PALLD: variants seen among roughly 807,000 people sequenced by gnomAD.
The protein encoded by PALLD is palladin, cytoskeletal associated protein, also known as palladin.
PALLD carries 61 observed loss-of-function variants against 123.5 expected under a neutral mutation model. That is an observed-to-expected ratio of 0.49 (90% confidence interval 0.40 to 0.61). PALLD has a LOEUF of 0.61. Ranked by LOEUF, PALLD falls within the 20% of genes least tolerant of loss-of-function variation. The probability of loss-of-function intolerance (pLI) is 0.00; values close to 1 mark genes in which losing one functional copy is unlikely to be tolerated. For missense variants in PALLD, 1,273 were observed against 1,377.0 expected (o/e 0.92, Z 1.20); for synonymous variants, 465 against 496.4 (o/e 0.94, Z 0.84).
chr4:168,831,106 T>C (rs1361805562), intron 10 of PALLD, among the ~76,000 whole-genome samples: 1 of 152,208 alleles, frequency 6.6e-6, no homozygotes. Flanking sequence ...TGTGACATGG[T>C]GTGCCAACCC....
chr4:168,697,299 G>A (rs775374524), intron 8 of PALLD, among the ~76,000 whole-genome samples: 1 of 152,222 alleles, frequency 6.6e-6, no homozygotes, highest in Non-Finnish European at 1.5e-5. Context: ...CTCCACCACA[G>A]CAAGAGAATT....
intron 2 of PALLD, among the ~76,000 whole-genome samples, chr4:168,639,930 T>A (rs1455613578): frequency 6.6e-6 from 1 of 152,212 alleles, no homozygotes; most frequent in Non-Finnish European, 1.5e-5. Flanking sequence ...CCAGATCTTT[T>A]TGCTTTTTCT....
chr4:168,714,296 T>G (rs1785128561), intron 10 of PALLD, among the ~76,000 whole-genome samples: 1 of 152,180 alleles, frequency 6.6e-6, no homozygotes, highest in Admixed American at 6.5e-5. Context: ...TGCAGTGTTT[T>G]CAAAGTTTTC....
At chr4:168,833,560 G>A (rs975159064) in intron 10 of PALLD, among the ~76,000 whole-genome samples, 2 of 152,092 alleles carry the variant, frequency 1.3e-5, no homozygotes, top group African/African-American at 2.4e-5. Flanking sequence ...CCCTCCGCCA[G>A]GTTAAGGAAT....
chr4:168,921,630 G>T lies in PALLD; in HGVS notation c.2947G>T (p.Val983Leu). ...AHKMLVRENG[V>L]HSLIIEPVTS... ...CAAGATGCTGGTGCGTGAGAACGGG[G>T]TGCACTCTCTGATCATAGAGCCAGT... Residue 983 changes from valine (V) to leucine (L), a missense_variant, in exon 18 of 22, where the codon GTG becomes TTG. Transcript: ENST00000505667. The T allele has an allele frequency of 6.2e-7, 1 of 1,611,160 alleles. No individual in the cohort carries two copies. The highest frequency in any genetic ancestry group is 8.5e-7 in the Non-Finnish European group (1 of 1,179,660).
At position 168,578,787 on chromosome 4, in the gene PALLD, GGATA is replaced by G. The variant is rs999344899; in HGVS notation, c.908+66385_908+66388del. ...TTGGTAGGTAATATGATAGATCAAT[GGATA>G]GATAGATAGTCCCAGTGCTTAAAAA... is the stretch of plus-strand genomic sequence containing the variant. On this transcript the variant is annotated intron_variant, in intron 2 of 21. Transcript: ENST00000505667. 1.5e-3 allele frequency among the ~76,000 whole-genome samples: 226 copies of G among 151,942 alleles called. 4 individuals are homozygous for G. Among genetic ancestry groups the G allele is most frequent in the African/African-American group, 1.9e-3 (78 of 41,464 alleles).
intron 10 of PALLD, among the ~76,000 whole-genome samples, chr4:168,802,380 A>G (rs1002556202): frequency 6.6e-6 from 1 of 152,244 alleles, no homozygotes. Flanking sequence ...CCTATACACC[A>G]TGGAATACTA....
chr4:168,690,566 T>G (rs772725093), intron 6 of PALLD, 37 bp from the exon 7 acceptor site: 20 of 1,613,738 alleles, frequency 1.2e-5, no homozygotes, highest in Middle Eastern at 3.3e-4. Context: ...TGCACCAAAG[T>G]CTGATGGGGT....
At chr4:168,823,525 G>GA (rs139617438) in intron 10 of PALLD, among the ~76,000 whole-genome samples, 9,068 of 151,942 alleles carry the variant, frequency 0.06, 365 homozygotes, top group South Asian at 0.17. Context: ...ACAAAAAATA[G>GA]AAAAAAATTA....
At chr4:168,789,605 T>C (rs1204854860) in intron 10 of PALLD, among the ~76,000 whole-genome samples, 3 of 150,366 alleles carry the variant, frequency 2.0e-5, no homozygotes, top group Non-Finnish European at 4.4e-5. Context: ...CTTGGGAGGC[T>C]GAGGCAGGAG....
At chr4:168,722,171 A>G (rs750346027) in intron 10 of PALLD, among the ~76,000 whole-genome samples, 3 of 152,058 alleles carry the variant, frequency 2.0e-5, no homozygotes, top group Non-Finnish European at 4.4e-5. Flanking sequence ...CAGCCTCCCA[A>G]GTAGCTGGGA....
At chr4:168,825,362 T>C (rs570353629) in intron 10 of PALLD, among the ~76,000 whole-genome samples, 2 of 152,356 alleles carry the variant, frequency 1.3e-5, no homozygotes, top group East Asian at 3.9e-4. Flanking sequence ...ATAATCTCAA[T>C]GATTCTCTTA....
intron 10 of PALLD, among the ~76,000 whole-genome samples, chr4:168,850,720 C>T (rs952178272): frequency 4.0e-5 from 6 of 151,230 alleles, no homozygotes; most frequent in East Asian, 3.9e-4. Context: ...TTAGTGGAGA[C>T]GGGGTTTCTC....
intron 2 of PALLD, among the ~76,000 whole-genome samples, chr4:168,518,656 C>A (rs959990921): frequency 6.6e-6 from 1 of 152,158 alleles, no homozygotes; most frequent in African/African-American, 2.4e-5. Context: ...ACAATATGGC[C>A]TCCTATAACT....
intron 2 of PALLD, among the ~76,000 whole-genome samples, chr4:168,536,808 C>A (rs1340595177): frequency 6.6e-6 from 1 of 150,914 alleles, no homozygotes; most frequent in African/African-American, 2.4e-5. Context: ...AGCCTAACTA[C>A]ATCAGCATTG....
chr4:168,779,042 T>C (rs893725112), intron 10 of PALLD, among the ~76,000 whole-genome samples: 1 of 152,222 alleles, frequency 6.6e-6, no homozygotes, highest in African/African-American at 2.4e-5. Flanking sequence ...GCTTATGAAA[T>C]CGTGACATGA....
At chr4:168,834,136 T>C (rs375168301) in intron 10 of PALLD, among the ~76,000 whole-genome samples, 1 of 152,042 alleles carries the variant, frequency 6.6e-6, no homozygotes. Flanking sequence ...TATGCCAACA[T>C]CCACACCATC....
chr4:168,920,538 C>T (rs1054333369), intron 17 of PALLD, among the ~76,000 whole-genome samples: 3 of 152,138 alleles, frequency 2.0e-5, no homozygotes, highest in African/African-American at 7.2e-5. Context: ...CTTAACAGTG[C>T]ATTTCTTCCA....
intron 10 of PALLD, among the ~76,000 whole-genome samples, chr4:168,821,879 CAA>C (rs910886193): frequency 8.2e-4 from 48 of 58,266 alleles, no homozygotes; most frequent in Middle Eastern, 0.011. Flanking sequence ...AACGCTGTCT[CAA>C]AAAAAAAAAA....
Sources: allele counts gnomAD v4.1 joint callset (sites outside exome capture counted in the v4.1 genomes callset), GRCh38; gene constraint gnomAD v4.1.1; transcripts MANE v1.5; gene names NCBI Gene and HGNC (gene_info 2026-07-23, HGNC 2026-07-21).